PDE2A: variants seen among roughly 807,000 people sequenced by gnomAD.
The protein encoded by PDE2A is cGMP-dependent 3',5'-cyclic phosphodiesterase.
PDE2A carries 53 observed loss-of-function variants against 133.6 expected under a neutral mutation model. The observed-to-expected ratio is 0.40, with a 90% CI of 0.32 to 0.50. PDE2A has a LOEUF of 0.50. PDE2A is among the 20% of genes least tolerant of loss of function. The probability of loss-of-function intolerance (pLI) is 0.73; values close to 1 mark genes in which losing one functional copy is unlikely to be tolerated. For missense variants in PDE2A, 796 were observed against 1,232.4 expected, an observed-to-expected ratio of 0.65 and a Z score of 5.30; for synonymous variants, 491 against 490.2, an observed-to-expected ratio of 1.00 and a Z score of -0.02.
intron 19 of PDE2A, 178 bp from the exon 20 acceptor site, chr11:72,583,693 C>CT (rs1404144344): frequency 5.0e-6 from 3 of 603,748 alleles, no homozygotes; most frequent in Non-Finnish European, 8.9e-6. Context: ...CATCCAGACC[C>CT]CGCGCCGGTT....
At chr11:72,628,362 ACT>A (rs1858192273) in intron 2 of PDE2A, among the ~76,000 whole-genome samples, 1 of 144,422 alleles carries the variant, frequency 6.9e-6, no homozygotes, top group Non-Finnish European at 1.5e-5. Flanking sequence ...ATGGAGTCTC[ACT>A]CTGTCACCCA....
Position 72,589,742 on chromosome 11 carries a change from G to T in PDE2A, c.873+9C>A, listed in dbSNP as rs115252137. On this transcript the variant is annotated intron_variant, in intron 11 of 30. Coordinates refer to ENST00000334456, the MANE Select transcript of PDE2A (RefSeq NM_002599.5). Reference sequence around the variant, plus strand: ...CAGACTCCAACGAGAAGACAGACGCGGGACTCACGGGAAAGCTGACCTCTT... The same window carrying T: ...CAGACTCCAACGAGAAGACAGACGCTGGACTCACGGGAAAGCTGACCTCTT... 2 of 1,613,486 alleles carry T rather than the reference G, an allele frequency of 1.2e-6. No individual in the cohort carries two copies. The highest frequency in any genetic ancestry group is 2.2e-5 in the South Asian group (2 of 91,006).
intron 2 of PDE2A, among the ~76,000 whole-genome samples, chr11:72,610,544 C>T (rs1042309323): frequency 7.2e-5 from 11 of 152,126 alleles, no homozygotes; most frequent in Non-Finnish European, 1.2e-4. Flanking sequence ...CAGTAGTGGG[C>T]CTTCTCCCCA....
intron 4 of PDE2A, among the ~76,000 whole-genome samples, chr11:72,604,597 T>C (rs1055000235): frequency 6.6e-6 from 1 of 152,320 alleles, no homozygotes; most frequent in African/African-American, 2.4e-5. Context: ...TAAACAAAAC[T>C]GAGGCACAGA....
intron 2 of PDE2A, among the ~76,000 whole-genome samples, chr11:72,610,191 C>T (rs534736211): frequency 2.0e-5 from 3 of 152,148 alleles, no homozygotes; most frequent in Admixed American, 2.0e-4. Context: ...TCTCTCAGAC[C>T]CTCCTAGATG....
At chr11:72,614,897 G>C (rs905327401) in intron 2 of PDE2A, among the ~76,000 whole-genome samples, 1 of 152,038 alleles carries the variant, frequency 6.6e-6, no homozygotes, top group South Asian at 2.1e-4. Context: ...CAGTATGGAC[G>C]GGGCCACTCG....
At chr11:72,582,680 G>A (rs941510324) in intron 20 of PDE2A, 114 bp from the exon 21 acceptor site, 93 of 1,056,610 alleles carry the variant, frequency 8.8e-5, no homozygotes, top group Non-Finnish European at 2.9e-5. Flanking sequence ...CCACAGTTGG[G>A]CCACCACGCT....
At chr11:72,577,739 G>A in intron 30 of PDE2A, 145 bp from the exon 31 acceptor site, 1 of 633,196 alleles carries the variant, frequency 1.6e-6, no homozygotes, top group East Asian at 2.7e-5. Context: ...CAGAGATGCC[G>A]AGGTGTGTGG....
intron 2 of PDE2A, among the ~76,000 whole-genome samples, chr11:72,616,941 T>C (rs1210289120): frequency 2.0e-5 from 3 of 152,170 alleles, no homozygotes; most frequent in East Asian, 3.8e-4. Flanking sequence ...TCAGGCCTCA[T>C]GTAGTCCAAT....
intron 2 of PDE2A, among the ~76,000 whole-genome samples, chr11:72,632,347 A>T (rs1379800986): frequency 6.6e-6 from 1 of 152,094 alleles, no homozygotes; most frequent in Non-Finnish European, 1.5e-5. Flanking sequence ...CTTCCCTCTT[A>T]GCTGCGCCTG....
intron 1 of PDE2A, among the ~76,000 whole-genome samples, chr11:72,649,590 A>C (rs895310448): frequency 6.6e-6 from 1 of 152,232 alleles, no homozygotes; most frequent in African/African-American, 2.4e-5. Flanking sequence ...CCAATCACAC[A>C]AAACATGATT....
intron 4 of PDE2A, among the ~76,000 whole-genome samples, chr11:72,600,251 A>G (rs1382173579): frequency 1.3e-5 from 2 of 152,168 alleles, no homozygotes; most frequent in Non-Finnish European, 2.9e-5. Flanking sequence ...AAAACTCTCC[A>G]CATAAGGAGA....
chr11:72,582,852 A>G (rs1255619307), intron 20 of PDE2A, among the ~76,000 whole-genome samples: 1 of 152,182 alleles, frequency 6.6e-6, no homozygotes, highest in Non-Finnish European at 1.5e-5. Flanking sequence ...GCAGCATTTC[A>G]TACACAGTAA....
chr11:72,596,484 TCACACA>T (rs60716742), intron 6 of PDE2A, 103 bp downstream of exon 6: 48 of 192,236 alleles, frequency 2.5e-4, no homozygotes, highest in Middle Eastern at 6.6e-4. Context: ...TCTCTCTCTC[TCACACA>T]CACACACACA....
chr11:72,588,100 T>C (rs1856059512), intron 13 of PDE2A: 1 of 152,344 alleles, frequency 6.6e-6, no homozygotes, highest in Non-Finnish European at 1.5e-5. Context: ...CCAGCCCAAG[T>C]GTGAACCTGC....
At chr11:72,583,585 G>C (rs1205224786) in intron 19 of PDE2A, 70 bp from the exon 20 acceptor site, 1 of 1,018,678 alleles carries the variant, frequency 9.8e-7, no homozygotes, top group Admixed American at 1.7e-5. Flanking sequence ...CCAGGACTGG[G>C]ATGAAGGGGT....
At position 72,646,957 on chromosome 11, in the gene PDE2A, C is replaced by T. The variant is rs60431679; in HGVS notation, c.72-4631G>A. On this transcript the variant is annotated intron_variant, in intron 1 of 30. Coordinates refer to ENST00000334456, the MANE Select transcript of PDE2A (RefSeq NM_002599.5). The stretch of plus-strand genomic sequence containing the variant: ...ATGCAGGAAGAAAACTGCCATCCAA[C>T]GAGAAGTAGCCCCCACCATCTCCCC... Among the ~76,000 whole-genome samples, 200 of 152,308 alleles carry T rather than the reference C, an allele frequency of 1.3e-3. 3 individuals carry two copies. In the East Asian group the frequency reaches 0.029, roughly 22 times the overall value.
intron 16 of PDE2A, 138 bp from the exon 17 acceptor site, chr11:72,585,082 T>G (rs1855902114): frequency 1.2e-6 from 1 of 811,204 alleles, no homozygotes; most frequent in African/African-American, 1.7e-5. Flanking sequence ...CAGGGCTGGC[T>G]GGCTCCAGAA....
chr11:72,606,205 C>T (rs1484044900), intron 3 of PDE2A, among the ~76,000 whole-genome samples: 3 of 151,888 alleles, frequency 2.0e-5, no homozygotes, highest in African/African-American at 4.8e-5. Context: ...GGCAACCCTT[C>T]GGGATCCCTG....
Sources: gnomAD v4.1 joint callset for allele counts (sites outside exome capture counted in the v4.1 genomes callset) on GRCh38, gnomAD v4.1.1 for gene constraint, MANE v1.5 for transcripts, NCBI Gene and HGNC (gene_info 2026-07-23, HGNC 2026-07-21) for gene names.